The following MNAT1 variants were observed in gnomAD, a reference collection of about 807,000 sequenced individuals.
MNAT1 encodes the protein CDK-activating kinase assembly factor MAT1.
A neutral mutation model predicts 42.0 loss-of-function variants in MNAT1; 43 were observed. The ratio of observed to expected loss-of-function variants is 1.02; its 90% CI spans 0.80 to 1.32. The LOEUF (loss-of-function observed/expected upper bound fraction) is 1.32. Ranked by LOEUF, MNAT1 falls within the 40% of genes most tolerant of loss-of-function variation. The pLI is 0.00. For missense variants in MNAT1, 306 were observed against 350.4 expected (o/e 0.87, Z 1.01); for synonymous variants, 118 against 120.0 (o/e 0.98, Z 0.11).
chr14:60,864,614 A>G (rs977914421), intron 6 of MNAT1, among the ~76,000 whole-genome samples: 3 of 152,046 alleles, frequency 2.0e-5, no homozygotes, highest in African/African-American at 2.4e-5. Flanking sequence ...TTTTAGTGCA[A>G]TTGCACTGTT....
intron 6 of MNAT1, among the ~76,000 whole-genome samples, chr14:60,868,827 A>G (rs1459305435): frequency 2.6e-5 from 4 of 152,026 alleles, no homozygotes; most frequent in African/African-American, 9.7e-5. Context: ...AAAGAAAAAA[A>G]TAATCAAAGT....
At chr14:60,837,534 C>T (rs1199303325) in intron 6 of MNAT1, among the ~76,000 whole-genome samples, 2 of 152,188 alleles carry the variant, frequency 1.3e-5, no homozygotes, top group Non-Finnish European at 2.9e-5. Flanking sequence ...TTTGGCTCAC[C>T]CTCCATGGGC....
intron 7 of MNAT1, among the ~76,000 whole-genome samples, chr14:60,893,781 C>T (rs1448962523): frequency 2.6e-5 from 4 of 152,014 alleles, no homozygotes; most frequent in African/African-American, 9.7e-5. Context: ...AAGCCTGAGC[C>T]ACAGAGGGCT....
At chr14:60,931,959 T>C (rs2035895908) in intron 7 of MNAT1, among the ~76,000 whole-genome samples, 2 of 152,048 alleles carry the variant, frequency 1.3e-5, no homozygotes, top group Admixed American at 1.3e-4. Flanking sequence ...GTGTTATTTG[T>C]CCATTGAATT....
intron 6 of MNAT1, among the ~76,000 whole-genome samples, chr14:60,828,465 GA>G (rs1438705947): frequency 5.3e-5 from 8 of 151,038 alleles, no homozygotes; most frequent in African/African-American, 1.9e-4. Context: ...TATATAGTAG[GA>G]AAAAAACAAC....
Position 60,743,820 on chromosome 14 carries a change from A to G in MNAT1, c.89+8869A>G, listed in dbSNP as rs76459444. Among the ~76,000 whole-genome samples the G allele has an allele frequency of 7.5e-3, 1,147 of 151,944 alleles. 15 individuals carry two copies. The highest frequency in any genetic ancestry group is 0.026 in the African/African-American group (1,096 of 41,432). ...TTTCTCCCTGTTCTTTAGATTATAT[A>G]TTTTCTATTGATCTATCTTCAGGTT... On this transcript the variant is annotated intron_variant, in intron 1 of 7. Transcript: ENST00000261245.
At chr14:60,802,770 A>T (rs1379632403) in intron 3 of MNAT1, among the ~76,000 whole-genome samples, 1 of 152,048 alleles carries the variant, frequency 6.6e-6, no homozygotes, top group Admixed American at 6.5e-5. Flanking sequence ...AACCCGGGAG[A>T]ATAGGCAGTA....
rs1896435949 is a variant in MNAT1 at position 60,740,623 on chromosome 14, G to A, written c.89+5672G>A. 1.3e-5 allele frequency among the ~76,000 whole-genome samples: 2 copies of A among 152,046 alleles called. No homozygotes were observed. Among genetic ancestry groups the A allele is most frequent in the African/African-American group, 4.8e-5 (2 of 41,374 alleles). ...AAATTGGGAAACAGAGCCCCCTCTGGGTAGAAAATTAGGAAAAGGCACTTA... is the reference window on the plus strand; with the variant it reads ...AAATTGGGAAACAGAGCCCCCTCTGAGTAGAAAATTAGGAAAAGGCACTTA... On this transcript the variant is annotated intron_variant, in intron 1 of 7. Coordinates refer to ENST00000261245, the MANE Select transcript of MNAT1 (RefSeq NM_002431.4). This position sits in a 1 kb window ranked among gnomAD's most constrained non-coding sequence, Gnocchi z 4.1.
chr14:60,938,626 T>C (rs1206735039), intron 7 of MNAT1, among the ~76,000 whole-genome samples: 1 of 152,158 alleles, frequency 6.6e-6, no homozygotes, highest in African/African-American at 2.4e-5. Flanking sequence ...CTGCTGGATT[T>C]GGTTTGCCAG....
chr14:60,767,376 A>T (rs2030870434), intron 1 of MNAT1, among the ~76,000 whole-genome samples: 1 of 152,034 alleles, frequency 6.6e-6, no homozygotes, highest in African/African-American at 2.4e-5. Context: ...ATTTCTTTTT[A>T]CTACAGTTTG....
chr14:60,734,893 A>G lies in MNAT1; in HGVS notation c.31A>G (p.Thr11Ala). The change falls in exon 1 of 8, where the codon ACC (threonine) becomes GCC (alanine). Residue 11 changes from threonine (T) to alanine (A), a missense_variant. This residue lies in a region of MNAT1 where 72 missense variants were observed against 111.0 expected (regional missense o/e 0.65). Coordinates refer to ENST00000261245, the MANE Select transcript of MNAT1 (RefSeq NM_002431.4). The surrounding 1 kb of genome is among the most constrained non-coding windows in gnomAD (Gnocchi z 4.3). MDDQGCPRCKTTKYRNPSLKL... is the reference protein window; with the variant it reads MDDQGCPRCKATKYRNPSLKL... ...CGATCAGGGTTGCCCTCGGTGTAAG[A>G]CCACCAAATATCGGAACCCCTCCTT... 1 of 1,614,088 alleles carries G rather than the reference A, an allele frequency of 6.2e-7. No individual in the cohort carries two copies. The highest frequency in any genetic ancestry group is 8.5e-7 in the Non-Finnish European group (1 of 1,180,008).
At chr14:60,875,252 G>T (rs2034412214) in intron 6 of MNAT1, among the ~76,000 whole-genome samples, 2 of 152,070 alleles carry the variant, frequency 1.3e-5, no homozygotes, top group Admixed American at 6.6e-5. Flanking sequence ...GAACAACCAT[G>T]ATTATATTAT....
At chr14:60,867,286 C>CTTTT (rs979012833) in intron 6 of MNAT1, among the ~76,000 whole-genome samples, 3 of 151,970 alleles carry the variant, frequency 2.0e-5, no homozygotes, top group African/African-American at 7.2e-5. Flanking sequence ...GATGAAACCT[C>CTTTT]TTTTTTTATT....
chr14:60,833,687 C>T (rs1184919020), intron 6 of MNAT1, among the ~76,000 whole-genome samples: 1 of 152,128 alleles, frequency 6.6e-6, no homozygotes, highest in Non-Finnish European at 1.5e-5. Context: ...ATACTGGCCT[C>T]ATAAAATGGG....
At chr14:60,858,700 A>G (rs2034022589) in intron 6 of MNAT1, among the ~76,000 whole-genome samples, 1 of 152,200 alleles carries the variant, frequency 6.6e-6, no homozygotes. Context: ...TGCCACAGCT[A>G]GTCCAATCTT....
intron 6 of MNAT1, among the ~76,000 whole-genome samples, chr14:60,874,773 AT>A (rs1156482194): frequency 1.3e-5 from 2 of 152,128 alleles, no homozygotes; most frequent in Non-Finnish European, 2.9e-5. Context: ...TTGGGTGGAA[AT>A]ATCACCAATA....
chr14:60,778,407 G>T (rs565935602), intron 1 of MNAT1, among the ~76,000 whole-genome samples: 1 of 152,272 alleles, frequency 6.6e-6, no homozygotes, highest in African/African-American at 2.4e-5. Flanking sequence ...TTGGTTAAGT[G>T]CTTTCCTAGT....
chr14:60,939,748 CT>C (rs1883708453), intron 7 of MNAT1, among the ~76,000 whole-genome samples: 1 of 152,136 alleles, frequency 6.6e-6, no homozygotes, highest in Non-Finnish European at 1.5e-5. Context: ...TCTATTAGGT[CT>C]GCTTGGTGCA....
intron 1 of MNAT1, among the ~76,000 whole-genome samples, chr14:60,742,901 GA>G: frequency 6.6e-6 from 1 of 152,318 alleles, no homozygotes; most frequent in Middle Eastern, 3.4e-3. Context: ...ATCAGTTGAA[GA>G]ACATTTGAGT....
Sources: allele counts gnomAD v4.1 joint callset (sites outside exome capture counted in the v4.1 genomes callset), GRCh38; gene constraint gnomAD v4.1.1; regional missense constraint gnomAD v4.1.1; non-coding constraint Gnocchi (gnomAD v3.1); transcripts MANE v1.5; gene names NCBI Gene and HGNC (gene_info 2026-07-23, HGNC 2026-07-21).